The following AGBL4 variants were observed in gnomAD, a reference collection of about 807,000 sequenced individuals.
AGBL4 encodes cytosolic carboxypeptidase 6.
A neutral mutation model predicts 66.4 loss-of-function variants in AGBL4; 58 were observed. That is an observed-to-expected ratio of 0.87 (90% CI 0.71 to 1.09). The LOEUF (loss-of-function observed/expected upper bound fraction) is 1.09. Among genes scored for constraint, AGBL4 ranks in the 50% least tolerant of loss-of-function variants. The pLI is 0.00. For missense variants in AGBL4, 579 were observed against 631.0 expected (o/e 0.92, Z 0.88); for synonymous variants, 234 against 222.9 (o/e 1.05, Z -0.44).
intron 6 of AGBL4, among the ~76,000 whole-genome samples, chr1:48,819,993 G>A (rs1407423945): frequency 2.0e-5 from 3 of 152,178 alleles, no homozygotes; most frequent in Admixed American, 6.5e-5. Flanking sequence ...CCATTCTGCT[G>A]CCTTCTGCAT....
At chr1:48,745,233 T>A (rs1218701166) in intron 6 of AGBL4, among the ~76,000 whole-genome samples, 1 of 152,150 alleles carries the variant, frequency 6.6e-6, no homozygotes, top group Non-Finnish European at 1.5e-5. Flanking sequence ...AGTAAAGTCC[T>A]GCTGCTGAGT....
chr1:48,596,491 T>C (rs146122613), intron 9 of AGBL4, among the ~76,000 whole-genome samples: 59 of 152,292 alleles, frequency 3.9e-4, no homozygotes, highest in African/African-American at 1.4e-3. Context: ...TATTTCTGTG[T>C]TCTAAGGCAG....
intron 1 of AGBL4, among the ~76,000 whole-genome samples, chr1:49,890,057 C>A (rs1648480474): frequency 6.6e-6 from 1 of 152,046 alleles, no homozygotes; most frequent in South Asian, 2.1e-4. Context: ...TGAAAAACAA[C>A]AAAAATAGCT....
At position 49,571,607 on chromosome 1, in the gene AGBL4, T is replaced by C. The variant is rs149716695; in HGVS notation, c.282+125706A>G. Among the ~76,000 whole-genome samples the C allele has an allele frequency of 7.2e-5, 11 of 152,258 alleles. No homozygotes were observed. In the East Asian group the frequency reaches 2.1e-3, roughly 29 times the overall value. The stretch of plus-strand genomic sequence containing the variant: ...TGCCCTGGGAGGACTTTCAGAAGTA[T>C]GTAGACAAGTAGTGGTGAAAGTGGA... On this transcript the variant is annotated intron_variant, in intron 3 of 13. Coordinates refer to ENST00000371839, the MANE Select transcript of AGBL4 (RefSeq NM_032785.4).
chr1:49,183,404 A>G (rs1030939875), intron 4 of AGBL4, among the ~76,000 whole-genome samples: 1 of 151,978 alleles, frequency 6.6e-6, no homozygotes, highest in Non-Finnish European at 1.5e-5. Context: ...TACCGTAGCA[A>G]TTGGTCTCTT....
At chr1:49,747,254 T>C (rs1306150387) in intron 2 of AGBL4, among the ~76,000 whole-genome samples, 1 of 152,196 alleles carries the variant, frequency 6.6e-6, no homozygotes, top group African/African-American at 2.4e-5. Context: ...CTGAGTTCTA[T>C]GACTGTCCTT....
intron 4 of AGBL4, among the ~76,000 whole-genome samples, chr1:49,172,899 G>A (rs575291043): frequency 8.3e-4 from 126 of 152,296 alleles, no homozygotes; most frequent in Middle Eastern, 3.4e-3. Flanking sequence ...GCTGAGGTGG[G>A]CAAATCATCT....
intron 2 of AGBL4, among the ~76,000 whole-genome samples, chr1:49,808,045 C>T (rs757559834): frequency 7.9e-5 from 12 of 152,274 alleles, no homozygotes; most frequent in African/African-American, 2.6e-4. Context: ...ACCCAGTTTA[C>T]GGTACTTTGT....
At chr1:49,123,692 G>A (rs1482509226) in intron 4 of AGBL4, among the ~76,000 whole-genome samples, 1 of 152,106 alleles carries the variant, frequency 6.6e-6, no homozygotes, top group Non-Finnish European at 1.5e-5. Flanking sequence ...TATAAAGATT[G>A]CCCACTCTCT....
chr1:48,576,086 C>T (rs1644649332), intron 11 of AGBL4, among the ~76,000 whole-genome samples: 1 of 152,188 alleles, frequency 6.6e-6, no homozygotes, highest in African/African-American at 2.4e-5. Flanking sequence ...CCTCAAGCCC[C>T]TGGCCATGGA....
chr1:49,751,874 T>G (rs757746709), intron 2 of AGBL4, among the ~76,000 whole-genome samples: 4 of 152,212 alleles, frequency 2.6e-5, no homozygotes, highest in Non-Finnish European at 5.9e-5. Context: ...TAGAGATTTT[T>G]AGAGTATTCT....
At chr1:48,928,753 CATAAT>C (rs1009703146) in intron 5 of AGBL4, among the ~76,000 whole-genome samples, 1 of 152,098 alleles carries the variant, frequency 6.6e-6, no homozygotes, top group African/African-American at 2.4e-5. Context: ...TAATAATAGA[CATAAT>C]ATATATAGGC....
intron 6 of AGBL4, among the ~76,000 whole-genome samples, chr1:48,675,421 G>C (rs1161554852): frequency 1.3e-5 from 2 of 152,186 alleles, no homozygotes; most frequent in Admixed American, 1.3e-4. Context: ...TATTTTCTCA[G>C]CTGTGTCAAA....
At chr1:49,217,624 C>T (rs1649191532) in intron 4 of AGBL4, among the ~76,000 whole-genome samples, 2 of 152,092 alleles carry the variant, frequency 1.3e-5, no homozygotes, top group Admixed American at 1.3e-4. Context: ...CTGAGTGCAT[C>T]TCATTTTTCT....
chr1:49,803,111 ATAAT>A (rs1023204372), intron 2 of AGBL4, among the ~76,000 whole-genome samples: 10 of 150,898 alleles, frequency 6.6e-5, no homozygotes, highest in African/African-American at 1.7e-4. Context: ...TTATATATTC[ATAAT>A]TTATTTAATT....
At chr1:49,569,180 C>G (rs1242202322) in intron 3 of AGBL4, among the ~76,000 whole-genome samples, 1 of 151,960 alleles carries the variant, frequency 6.6e-6, no homozygotes, top group Admixed American at 6.6e-5. Flanking sequence ...AAAATCAAGA[C>G]AATTGAACTC....
chr1:49,729,836 G>A (rs896922415), intron 2 of AGBL4, among the ~76,000 whole-genome samples: 2 of 152,098 alleles, frequency 1.3e-5, no homozygotes, highest in Non-Finnish European at 2.9e-5. Context: ...AGACAGCAGC[G>A]ACCCATCCCT....
chr1:49,521,806 G>T (rs1251799122), intron 3 of AGBL4, among the ~76,000 whole-genome samples: 1 of 151,954 alleles, frequency 6.6e-6, no homozygotes, highest in Non-Finnish European at 1.5e-5. Flanking sequence ...AAATTTACAA[G>T]TGGGACCTAA....
At chr1:49,784,371 T>G (rs60409689) in intron 2 of AGBL4, among the ~76,000 whole-genome samples, 7,554 of 152,178 alleles carry the variant, frequency 0.05, 578 homozygotes, top group African/African-American at 0.16. Context: ...CAAGACCATT[T>G]GATAGAGAAA....
Sources: gnomAD v4.1 joint callset for allele counts (sites outside exome capture counted in the v4.1 genomes callset) on GRCh38, gnomAD v4.1.1 for gene constraint, MANE v1.5 for transcripts, NCBI Gene and HGNC (gene_info 2026-07-23, HGNC 2026-07-21) for gene names.